ATP13A3: variants seen among roughly 807,000 people sequenced by gnomAD.
ATP13A3 encodes the protein ATPase 13A3, also known as polyamine-transporting ATPase 13A3.
In ATP13A3, 59 loss-of-function variants were observed where a neutral mutation model predicts 158.1. The ratio of observed to expected loss-of-function variants is 0.37; its 90% CI spans 0.30 to 0.46. ATP13A3 has a LOEUF of 0.46. Among genes scored for constraint, ATP13A3 ranks in the 20% least tolerant of loss-of-function variants. ATP13A3 has a pLI of 1.00. For missense variants in ATP13A3, 1,166 were observed against 1,525.2 expected (o/e 0.76, Z 3.92); for synonymous variants, 491 against 504.3 (o/e 0.97, Z 0.35).
At chr3:194,462,519 G>A (rs1405130820) in intron 2 of ATP13A3, among the ~76,000 whole-genome samples, 1 of 152,168 alleles carries the variant, frequency 6.6e-6, no homozygotes, top group Non-Finnish European at 1.5e-5. Context: ...CTCCTTATGA[G>A]AATCTAATGC....
intron 13 of ATP13A3, 45 bp from the exon 14 acceptor site, chr3:194,447,160 A>G (rs1352750442): frequency 6.6e-7 from 1 of 1,506,720 alleles, no homozygotes; most frequent in Non-Finnish European, 9.1e-7. Context: ...AGTATTATTT[A>G]CGGATTTAAT....
At position 194,435,361 on chromosome 3, in the gene ATP13A3, G is replaced by A. The variant is rs577823137; in HGVS notation, c.2121-1465C>T. Among the ~76,000 whole-genome samples, 8 of 152,224 alleles carry A rather than the reference G, an allele frequency of 5.3e-5. No individual in the cohort carries two copies. In the South Asian group the frequency reaches 6.2e-4, roughly 12 times the overall value. On this transcript the variant is annotated intron_variant, in intron 20 of 33. Transcript: ENST00000645319. ...CCTAACTCTCTCACACCGTATGAAC[G>A]ATACAGGTCAAGGAAATCTTACCCT...
At chr3:194,459,590 G>A (rs1287004217) in intron 5 of ATP13A3, 49 bp from the exon 6 acceptor site, 1 of 1,447,574 alleles carries the variant, frequency 6.9e-7, no homozygotes, top group South Asian at 1.2e-5. Flanking sequence ...AATCACTTGT[G>A]ATATGTAATC....
chr3:194,421,120 A>ATATATATATATATAG lies in ATP13A3; in HGVS notation c.3314-1154_3314-1153insCTATATATATATATA, dbSNP rs1560074777. Among the ~76,000 whole-genome samples, 122 of 37,540 alleles carry ATATATATATATATAG rather than the reference A, an allele frequency of 3.2e-3. 1 individual carries two copies. Among genetic ancestry groups the ATATATATATATATAG allele is most frequent in the Non-Finnish European group, 4.6e-3 (100 of 21,890 alleles). 24.6% of individuals were successfully genotyped at this position (37,540 alleles called of 152,430 possible). On this transcript the variant is annotated intron_variant, in intron 30 of 33. Coordinates refer to ENST00000645319, the MANE Select transcript of ATP13A3 (RefSeq NM_001367549.1). ...ATATACCAGTGTGTAGGGTGTATATATATATATATATATATAGTATATATA... is the reference window on the plus strand; with the variant it reads ...ATATACCAGTGTGTAGGGTGTATATATATATATATATATAGTATATATATATATATAGTATATATA...
chr3:194,462,080 A>G, intron 3 of ATP13A3, 60 bp downstream of exon 3: 1 of 1,544,232 alleles, frequency 6.5e-7, no homozygotes, highest in Non-Finnish European at 8.9e-7. Flanking sequence ...AGTCCCTAAA[A>G]TAATAAATTG....
At chr3:194,471,312 A>G (rs763607720) in intron 2 of ATP13A3, among the ~76,000 whole-genome samples, 17 of 145,332 alleles carry the variant, frequency 1.2e-4, no homozygotes, top group Non-Finnish European at 1.5e-4. Flanking sequence ...AGCGTTAAGT[A>G]GCAGCAAATT....
In ATP13A3 at chr3:194,460,741, AGAG is replaced by A. The variant is rs1177833653; in HGVS notation, c.139_141del (p.Leu47del). 6 of 1,613,434 alleles carry A rather than the reference AGAG, an allele frequency of 3.7e-6. No individual in the cohort carries two copies. The highest frequency in any genetic ancestry group is 1.7e-5 in the Admixed American group (1 of 59,966). ...TTCACCCGCCACTCAGGCATCCAAT[AGAG>A]GAGGAGGAGGAGAAACCCACCAGAG... On this transcript the variant is annotated inframe_deletion, in exon 4 of 34. Coordinates refer to ENST00000645319, the MANE Select transcript of ATP13A3 (RefSeq NM_001367549.1).
intron 4 of ATP13A3, among the ~76,000 whole-genome samples, chr3:194,460,321 T>A (rs1390415988): frequency 6.6e-6 from 1 of 152,160 alleles, no homozygotes; most frequent in Non-Finnish European, 1.5e-5. Flanking sequence ...CTGAAATGCA[T>A]CAGCATCACA....
chr3:194,476,950 T>G (rs1444429506), intron 2 of ATP13A3, among the ~76,000 whole-genome samples: 1 of 152,168 alleles, frequency 6.6e-6, no homozygotes, highest in African/African-American at 2.4e-5. Flanking sequence ...TTGCAAGACA[T>G]GTAAGATCCT....
chr3:194,459,511 AT>A lies in ATP13A3; in HGVS notation c.438del (p.Lys146AsnfsTer14). Reference protein sequence around the residue: ...QIRYFTHHSVKYFWNDTIHNF... With the variant: ...QIRYFTHHSVXYFWNDTIHNF... ...TTGTGAATGGTATCATTCCAGAAAT[AT>A]TTTACACTATGGTGGGTGAAATAAC... On this transcript the variant is annotated frameshift_variant, in exon 6 of 34. Transcript: ENST00000645319. LOFTEE classifies it high-confidence loss of function. 6.2e-7 allele frequency: 1 copy of A among 1,603,970 alleles called. No homozygotes were observed. The highest frequency in any genetic ancestry group is 8.5e-7 in the Non-Finnish European group (1 of 1,171,382).
At chr3:194,457,215 A>C in intron 6 of ATP13A3, 41 bp from the exon 7 acceptor site, 1 of 1,486,796 alleles carries the variant, frequency 6.7e-7, no homozygotes, top group Non-Finnish European at 9.3e-7. Flanking sequence ...AAAGTTTAAA[A>C]TATCCAAATT....
At chr3:194,459,692 G>T in intron 5 of ATP13A3, 97 bp downstream of exon 5, 3 of 1,320,858 alleles carry the variant, frequency 2.3e-6, no homozygotes, top group Non-Finnish European at 3.1e-6. Flanking sequence ...TTTATCTCAA[G>T]CATTAACTGC....
chr3:194,453,716 T>C lies in ATP13A3; in HGVS notation c.828A>G (p.Arg276=). 6.2e-7 allele frequency: 1 copy of C among 1,611,686 alleles called. No individual in the cohort carries two copies. Among genetic ancestry groups the C allele is most frequent in the Non-Finnish European group, 8.5e-7 (1 of 1,177,880 alleles). Residue 276 remains arginine (R), a synonymous_variant, in exon 10 of 34, where the codon AGA becomes AGG. Coordinates refer to ENST00000645319, the MANE Select transcript of ATP13A3 (RefSeq NM_001367549.1). ...THSTVRVSVC[R]VNEEIEEIFS... ...CATTCAATTACTTACCTTCATTTAC[T>C]CTACAAACTGAAACTCTTACGGTAC...
intron 2 of ATP13A3, among the ~76,000 whole-genome samples, chr3:194,484,959 C>A (rs535808291): frequency 6.6e-6 from 1 of 151,074 alleles, no homozygotes; most frequent in Admixed American, 6.6e-5. Context: ...TAGGAGGCTG[C>A]GACAGGAGAA....
At chr3:194,428,203 A>G (rs1346805125) in intron 28 of ATP13A3, among the ~76,000 whole-genome samples, 1 of 149,100 alleles carries the variant, frequency 6.7e-6, no homozygotes, top group Non-Finnish European at 1.5e-5. Context: ...CCTGGGTGAC[A>G]GAGACAGACT....
intron 3 of ATP13A3, among the ~76,000 whole-genome samples, chr3:194,461,231 G>C (rs1294956103): frequency 6.6e-6 from 1 of 151,804 alleles, no homozygotes; most frequent in Non-Finnish European, 1.5e-5. Flanking sequence ...ATAAATTTTA[G>C]ATTTATAGAA....
At chr3:194,476,734 C>G (rs80034744) in intron 2 of ATP13A3, among the ~76,000 whole-genome samples, 13 of 151,328 alleles carry the variant, frequency 8.6e-5, no homozygotes, top group Non-Finnish European at 1.6e-4. Context: ...AATTCCCAAA[C>G]TGGTAAAAGA....
intron 28 of ATP13A3, among the ~76,000 whole-genome samples, chr3:194,427,685 T>A (rs914706192): frequency 1.4e-5 from 2 of 147,762 alleles, no homozygotes; most frequent in Non-Finnish European, 3.0e-5. Flanking sequence ...AAATAAATAA[T>A]TTTAAATTAA....
At chr3:194,427,663 A>C (rs1399128583) in intron 28 of ATP13A3, among the ~76,000 whole-genome samples, 1 of 149,164 alleles carries the variant, frequency 6.7e-6, no homozygotes, top group Non-Finnish European at 1.5e-5. Context: ...ATAAATAAAT[A>C]AATAAATAAA....
Sources: gnomAD v4.1 joint callset for allele counts (sites outside exome capture counted in the v4.1 genomes callset) on GRCh38, gnomAD v4.1.1 for gene constraint, MANE v1.5 for transcripts, NCBI Gene and HGNC (gene_info 2026-07-23, HGNC 2026-07-21) for gene names.